PLS1: variants seen among roughly 807,000 people sequenced by gnomAD.
The protein encoded by PLS1 is plastin-1.
A neutral mutation model predicts 73.7 loss-of-function variants in PLS1; 32 were observed. The ratio of observed to expected loss-of-function variants is 0.43; its 90% confidence interval spans 0.33 to 0.58. PLS1 has a LOEUF of 0.58. Among genes scored for constraint, PLS1 ranks in the 20% least tolerant of loss-of-function variants. PLS1 has a pLI of 0.04. For missense variants in PLS1, 633 were observed against 740.5 expected (o/e 0.85, Z 1.68); for synonymous variants, 217 against 261.3 (o/e 0.83, Z 1.63).
chr3:142,601,574 A>G (rs766399028), intron 1 of PLS1, among the ~76,000 whole-genome samples: 4 of 152,108 alleles, frequency 2.6e-5, no homozygotes, highest in African/African-American at 4.8e-5. Context: ...CTGTCACCCA[A>G]TCTGGAGTGG....
chr3:142,613,322 A>T (rs1384950735), intron 1 of PLS1, among the ~76,000 whole-genome samples: 1 of 152,026 alleles, frequency 6.6e-6, no homozygotes, highest in African/African-American at 2.4e-5. Flanking sequence ...TACCAAAAAA[A>T]TACAAAAATT....
At chr3:142,705,659 TA>T (rs1213345879) in intron 14 of PLS1, among the ~76,000 whole-genome samples, 1 of 152,236 alleles carries the variant, frequency 6.6e-6, no homozygotes, top group African/African-American at 2.4e-5. Flanking sequence ...TAAGCTATCC[TA>T]AGAGATTATC....
At chr3:142,670,506 T>A (rs1417523361) in intron 3 of PLS1, among the ~76,000 whole-genome samples, 1 of 152,230 alleles carries the variant, frequency 6.6e-6, no homozygotes, top group Non-Finnish European at 1.5e-5. Context: ...ATCACTTTGC[T>A]GCAAGCAGAA....
intron 1 of PLS1, among the ~76,000 whole-genome samples, chr3:142,609,365 G>T (rs1030858532): frequency 2.0e-5 from 3 of 152,302 alleles, no homozygotes. Context: ...TGTGATTTTT[G>T]TGACTTTGCT....
chr3:142,668,967 A>G (rs4637328), intron 2 of PLS1, among the ~76,000 whole-genome samples: 115,855 of 152,092 alleles, frequency 0.76, 45,349 homozygotes, highest in African/African-American at 0.94. Context: ...CAGAGCAACA[A>G]TACCCTTAAA....
chr3:142,683,827 G>A (rs2037905063), intron 6 of PLS1, among the ~76,000 whole-genome samples, 179 bp from the exon 7 acceptor site: 1 of 151,806 alleles, frequency 6.6e-6, no homozygotes, highest in Non-Finnish European at 1.5e-5. Context: ...AAAGTCATTG[G>A]CATATAAAGT....
At position 142,704,521 on chromosome 3, in the gene PLS1, A is replaced by G; in HGVS notation, c.1564A>G (p.Ile522Val). 1 of 1,596,044 alleles carries G rather than the reference A, an allele frequency of 6.3e-7. No homozygotes were observed. The highest frequency in any genetic ancestry group is 8.6e-7 in the Non-Finnish European group (1 of 1,164,960). The change falls in exon 14 of 16, where the codon ATA becomes GTA. Residue 522 changes from isoleucine to valine, a missense_variant. By Grantham distance (29) the Ile-to-Val change is conservative. Transcript: ENST00000457734. The stretch of plus-strand genomic sequence containing the variant: ...GGGTGAAAAAGTAAATGATGAAATT[A>G]TAATTAAATGGGTCAATCAGACTCT... ...GEGEKVNDEI[I>V]IKWVNQTLKS...
At chr3:142,711,685 G>C in intron 15 of PLS1, 60 bp downstream of exon 15, 1 of 1,459,416 alleles carries the variant, frequency 6.9e-7, no homozygotes, top group Non-Finnish European at 9.4e-7. Context: ...AATCCTTATA[G>C]GAAAAGTTAC....
intron 1 of PLS1, among the ~76,000 whole-genome samples, chr3:142,605,939 A>G (rs951402114): frequency 1.4e-4 from 22 of 152,184 alleles, no homozygotes; most frequent in African/African-American, 4.6e-4. Flanking sequence ...TATTCTCCCT[A>G]TGTGATATAT....
chr3:142,659,395 T>G (rs2107814060), intron 1 of PLS1, among the ~76,000 whole-genome samples: 1 of 152,280 alleles, frequency 6.6e-6, no homozygotes, highest in East Asian at 1.9e-4. Flanking sequence ...GAAACATAGG[T>G]GCTCTTATTT....
intron 10 of PLS1, among the ~76,000 whole-genome samples, chr3:142,694,147 C>T (rs1029185823): frequency 2.6e-5 from 4 of 151,840 alleles, no homozygotes; most frequent in Non-Finnish European, 5.9e-5. Context: ...TTTAGTGAAT[C>T]CCTTTTGCAT....
At position 142,673,916 on chromosome 3, in the gene PLS1, T is replaced by G. The variant is rs2037664640; in HGVS notation, c.365-2241T>G. 1.3e-5 allele frequency: 2 copies of G among 152,218 alleles called. 1 individual carries two copies. Among genetic ancestry groups the G allele is most frequent in the South Asian group, 4.1e-4 (2 of 4,830 alleles). The allele number at this position is 152,218 out of a possible 1,614,324, so 9.4% of individuals were successfully genotyped here. A position where few individuals can be genotyped will look rare whatever the true frequency, so the allele number is the denominator to read the frequency against. On this transcript the variant is annotated intron_variant, in intron 4 of 15. Coordinates refer to ENST00000457734, the MANE Select transcript of PLS1 (RefSeq NM_001145319.2). The stretch of plus-strand genomic sequence containing the variant: ...AGTTTCTTCAATTCTCACCAACACT[T>G]GTTTTTGTCCATTTAAAAAATTACA...
chr3:142,647,709 G>A (rs1225026754), intron 1 of PLS1, among the ~76,000 whole-genome samples: 1 of 151,894 alleles, frequency 6.6e-6, no homozygotes, highest in African/African-American at 2.4e-5. Flanking sequence ...TCGTTATGTT[G>A]ACCAGACTGG....
chr3:142,694,685 T>C (rs2038157009), intron 11 of PLS1, 138 bp downstream of exon 11: 2 of 541,390 alleles, frequency 3.7e-6, no homozygotes, highest in Non-Finnish European at 6.5e-6. Flanking sequence ...ATGCTGGGAA[T>C]TGGCAATACA....
intron 1 of PLS1, among the ~76,000 whole-genome samples, chr3:142,655,252 C>T (rs759837465): frequency 6.6e-6 from 1 of 152,144 alleles, no homozygotes; most frequent in Non-Finnish European, 1.5e-5. Context: ...ATGGGGGAAT[C>T]GGCCTTCCAA....
intron 4 of PLS1, among the ~76,000 whole-genome samples, chr3:142,675,229 T>G (rs1577875284): frequency 6.6e-6 from 1 of 152,342 alleles, no homozygotes; most frequent in Non-Finnish European, 1.5e-5. Flanking sequence ...ATATACATAT[T>G]TGACCTCCGA....
In PLS1 at chr3:142,684,256, T is replaced by C; in HGVS notation, c.749T>C (p.Leu250Pro). 4 of 1,614,166 alleles carry C rather than the reference T, an allele frequency of 2.5e-6. No individual in the cohort carries two copies. Among genetic ancestry groups the C allele is most frequent in the Non-Finnish European group, 3.4e-6 (4 of 1,180,000 alleles). ...ADIEISRNEA[L>P]IALLNEGEEL... ...CATTTCGCTGTTTTGCCCTCAGCTC[T>C]GATTGCATTGTTAAATGAAGGTGAG... Residue 250 changes from leucine (L) to proline (P), a missense_variant, in exon 8 of 16, where the codon CTG becomes CCG. Transcript: ENST00000457734.
At chr3:142,612,820 G>A (rs561237336) in intron 1 of PLS1, among the ~76,000 whole-genome samples, 4 of 152,028 alleles carry the variant, frequency 2.6e-5, no homozygotes, top group Admixed American at 1.3e-4. Flanking sequence ...CACCCAGGCC[G>A]GAGTGTGGTG....
intron 1 of PLS1, among the ~76,000 whole-genome samples, chr3:142,631,014 C>G (rs1560039092): frequency 6.7e-6 from 1 of 148,898 alleles, no homozygotes; most frequent in Non-Finnish European, 1.5e-5. Context: ...GGTCCCAAGA[C>G]TTATACGATG....
Sources: allele counts gnomAD v4.1 joint callset (sites outside exome capture counted in the v4.1 genomes callset), GRCh38; gene constraint gnomAD v4.1.1; transcripts MANE v1.5; gene names NCBI Gene and HGNC (gene_info 2026-07-23, HGNC 2026-07-21).